The following MRPL42 variants were observed in gnomAD, a reference collection of about 807,000 sequenced individuals.
MRPL42 encodes the protein mitochondrial ribosomal protein L42.
Under a neutral mutation model 17.9 loss-of-function variants are expected in MRPL42, and 17 were observed. The ratio of observed to expected loss-of-function variants is 0.95; its 90% CI spans 0.65 to 1.42. The LOEUF (loss-of-function observed/expected upper bound fraction) is 1.42, where lower values mean the gene tolerates loss of function less well. MRPL42 is among the 40% of genes most tolerant of loss of function. The pLI is 0.00. For missense variants in MRPL42, 177 were observed against 175.2 expected (o/e 1.01, Z -0.06); for synonymous variants, 59 against 54.4 (o/e 1.08, Z -0.37).
chr12:93,470,065 T>C lies in MRPL42; in HGVS notation c.70+710T>C, dbSNP rs552176233. Among the ~76,000 whole-genome samples the C allele has an allele frequency of 3.3e-5, 5 of 152,146 alleles. No individual in the cohort carries two copies. The South Asian group carries it at 1.0e-3, about 32-fold the overall frequency. On this transcript the variant is annotated intron_variant, in intron 2 of 5. Transcript: ENST00000549982. Reference sequence around the variant, plus strand: ...TACTTTTTTAGTATTTCTTAAAATGTGCGAATAAAGGGTAAATTCACAGTC... The same window carrying C: ...TACTTTTTTAGTATTTCTTAAAATGCGCGAATAAAGGGTAAATTCACAGTC...
At chr12:93,473,127 G>C (rs913845742) in intron 2 of MRPL42, among the ~76,000 whole-genome samples, 18 of 152,140 alleles carry the variant, frequency 1.2e-4, no homozygotes, top group African/African-American at 4.3e-4. Flanking sequence ...AGAAATTATT[G>C]TTAATTGAAA....
intron 4 of MRPL42, among the ~76,000 whole-genome samples, chr12:93,484,722 G>A (rs983810695): frequency 2.0e-5 from 3 of 151,076 alleles, no homozygotes; most frequent in South Asian, 4.2e-4. Flanking sequence ...TCAGCCTCCC[G>A]AGTAGCTGAG....
chr12:93,473,372 C>T (rs1167598608), intron 2 of MRPL42, among the ~76,000 whole-genome samples: 1 of 151,426 alleles, frequency 6.6e-6, no homozygotes, highest in Non-Finnish European at 1.5e-5. Context: ...GGTGATCCTG[C>T]TATCTCAGTC....
chr12:93,487,507 G>A lies in MRPL42; in HGVS notation c.230G>A (p.Arg77Gln), dbSNP rs375756118. 1.9e-5 allele frequency: 31 copies of A among 1,609,734 alleles called. No homozygotes were observed. Among genetic ancestry groups the A allele is most frequent in the Admixed American group, 3.4e-5 (2 of 58,962 alleles). ...IPYEHTKPIP[R>Q]PDPVHNNEET... is the part of the protein sequence containing the mutation. ...CTGATTATTTTGTAGCCTATCCCTC[G>A]GCCAGATCCTGTGCATAATAATGAA... Residue 77 changes from arginine to glutamine, a missense_variant, in exon 5 of 6, where the codon CGG becomes CAG. Physicochemically the swap from Arg to Gln is conservative, Grantham distance 43. Transcript: ENST00000549982.
Position 93,508,539 on chromosome 12 carries a change from G to A in MRPL42, c.*7318G>A, listed in dbSNP as rs535759825. On this transcript the variant is annotated 3_prime_UTR_variant, in exon 6 of 6. Coordinates refer to ENST00000549982, the MANE Select transcript of MRPL42 (RefSeq NM_014050.4). ...GGCTATCTCAGATTCAAGGGAGTAA[G>A]AGGAGAGATGCTACCTATTAAAAGG... The A allele has an allele frequency of 2.0e-5, 3 of 152,376 alleles. No individual in the cohort carries two copies. The highest frequency in any genetic ancestry group is 7.2e-5 in the African/African-American group (3 of 41,590). 9.4% of individuals were successfully genotyped at this position (152,376 alleles called of 1,614,324 possible).
chr12:93,500,885 G>A lies in MRPL42; in HGVS notation c.384-291G>A, dbSNP rs562488605. On this transcript the variant is annotated intron_variant, in intron 5 of 5. Transcript: ENST00000549982. ...AAGGTAGGAGGAGCCCTTGTGCCAG[G>A]AGTTTGAGGCTGTAGTACACTATTA... 83 of 214,086 alleles carry A rather than the reference G, an allele frequency of 3.9e-4. 1 individual carries two copies. The South Asian group carries it at 5.6e-3, about 14-fold the overall frequency. The allele number at this position is 214,086 out of a possible 1,614,324, so 13.3% of individuals were successfully genotyped here. A position where few individuals can be genotyped will look rare whatever the true frequency, so the allele number is the denominator to read the frequency against.
intron 5 of MRPL42, among the ~76,000 whole-genome samples, chr12:93,499,708 C>T (rs946045437): frequency 6.6e-6 from 1 of 152,056 alleles, no homozygotes; most frequent in Non-Finnish European, 1.5e-5. Flanking sequence ...CTTACTGTTC[C>T]ATGTTAGTAT....
chr12:93,480,142 G>C (rs1180902821), intron 4 of MRPL42, among the ~76,000 whole-genome samples: 1 of 151,054 alleles, frequency 6.6e-6, no homozygotes, highest in Non-Finnish European at 1.5e-5. Flanking sequence ...TTTTTTTTGA[G>C]ACAGGGTCTC....
Position 93,501,433 on chromosome 12 carries a change from T to G in MRPL42, c.*212T>G. The G allele has an allele frequency of 2.9e-6, 1 of 341,382 alleles. No individual in the cohort carries two copies. The highest frequency in any genetic ancestry group is 4.7e-5 in the East Asian group (1 of 21,244). The allele number at this position is 341,382 out of a possible 1,614,324, so 21.1% of individuals were successfully genotyped here. On this transcript the variant is annotated 3_prime_UTR_variant, in exon 6 of 6. Transcript: ENST00000549982. ...TTTTTTCTTTTTCTATTTTAGTGTT[T>G]CATTTATGTGCGGTCTCCAATTTAG...
chr12:93,499,982 C>T (rs1458680655), intron 5 of MRPL42, among the ~76,000 whole-genome samples: 2 of 152,082 alleles, frequency 1.3e-5, no homozygotes, highest in African/African-American at 2.4e-5. Context: ...AATTTTTGAA[C>T]GTAACTCATC....
rs983759245 is a variant in MRPL42, at chr12:93,508,647, A to G, written c.*7426A>G. On this transcript the variant is annotated 3_prime_UTR_variant, in exon 6 of 6. Coordinates refer to ENST00000549982, the MANE Select transcript of MRPL42 (RefSeq NM_014050.4). ...GATTTGTTTATGGGTTTACATTGTC[A>G]TGTCTCCACAGGACAATGCACATGG... The G allele has an allele frequency of 6.6e-6, 1 of 152,024 alleles. No individual in the cohort carries two copies. The highest frequency in any genetic ancestry group is 1.5e-5 in the Non-Finnish European group (1 of 68,034). The allele number at this position is 152,024 out of a possible 1,614,324, so 9.4% of individuals were successfully genotyped here.
chr12:93,490,758 C>G (rs1230561022), intron 5 of MRPL42, among the ~76,000 whole-genome samples: 2 of 152,106 alleles, frequency 1.3e-5, no homozygotes, highest in African/African-American at 2.4e-5. Flanking sequence ...GGATGATTTA[C>G]TAAATATTTC....
At chr12:93,479,327 A>AC in intron 3 of MRPL42, 61 bp from the exon 4 acceptor site, 1 of 1,304,106 alleles carries the variant, frequency 7.7e-7, no homozygotes, top group Non-Finnish European at 1.1e-6. Flanking sequence ...AAAAAAAAAA[A>AC]AGGTAATCAT....
At chr12:93,485,011 T>TATACATATATATATACATACAC (rs1555201430) in intron 4 of MRPL42, among the ~76,000 whole-genome samples, 1 of 63,522 alleles carries the variant, frequency 1.6e-5, no homozygotes, top group Non-Finnish European at 3.8e-5. Context: ...TATATATATA[T>TATACATATATATATACATACAC]ATATATATAT....
At chr12:93,482,998 G>A (rs1346100527) in intron 4 of MRPL42, among the ~76,000 whole-genome samples, 1 of 151,998 alleles carries the variant, frequency 6.6e-6, no homozygotes, top group Non-Finnish European at 1.5e-5. Flanking sequence ...AGGTTCAAGC[G>A]ATTCTTATGC....
intron 5 of MRPL42, among the ~76,000 whole-genome samples, chr12:93,489,684 G>A (rs889984409): frequency 6.6e-6 from 1 of 152,094 alleles, no homozygotes; most frequent in African/African-American, 2.4e-5. Flanking sequence ...CAAGCATGTT[G>A]CCACCATACC....
At position 93,484,977 on chromosome 12, in the gene MRPL42, CACATATATATATATAT is replaced by C. The variant is rs1421559040; in HGVS notation, c.220-2518_220-2503del. 1.2e-3 allele frequency among the ~76,000 whole-genome samples: 34 copies of C among 28,604 alleles called. 4 individuals are homozygous for C. Among genetic ancestry groups the C allele is most frequent in the African/African-American group, 2.9e-3 (31 of 10,658 alleles). 18.8% of individuals were successfully genotyped at this position (28,604 alleles called of 152,430 possible). On this transcript the variant is annotated intron_variant, in intron 4 of 5. Coordinates refer to ENST00000549982, the MANE Select transcript of MRPL42 (RefSeq NM_014050.4). ...TTTTTAAAAAACACACACACACACA[CACATATATATATATAT>C]ATATATATATATATATATATATATA...
chr12:93,485,822 T>C (rs1325310964), intron 4 of MRPL42, among the ~76,000 whole-genome samples: 1 of 152,166 alleles, frequency 6.6e-6, no homozygotes, highest in Non-Finnish European at 1.5e-5. Flanking sequence ...CGTTTTGTTT[T>C]GTTTTGAGAC....
rs55890236 is a variant in MRPL42, at chr12:93,514,295, C to CTTTTTTTT, written c.*13087_*13094dup. On this transcript the variant is annotated 3_prime_UTR_variant, in exon 6 of 6. Coordinates refer to ENST00000549982, the MANE Select transcript of MRPL42 (RefSeq NM_014050.4). ...CCCTCTGCTTTTTCTTTCTTTCTTT[C>CTTTTTTTT]TTTTTTTTTTTTTTTTTTTTGAGAT... 46 of 120,848 alleles carry CTTTTTTTT rather than the reference C, an allele frequency of 3.8e-4. No individual in the cohort carries two copies. Among genetic ancestry groups the CTTTTTTTT allele is most frequent in the Non-Finnish European group, 5.0e-4 (30 of 59,746 alleles). 7.5% of individuals were successfully genotyped at this position (120,848 alleles called of 1,614,324 possible).
Sources: allele counts gnomAD v4.1 joint callset (sites outside exome capture counted in the v4.1 genomes callset), GRCh38; gene constraint gnomAD v4.1.1; transcripts MANE v1.5; gene names NCBI Gene and HGNC (gene_info 2026-07-23, HGNC 2026-07-21).